The following SH3GL2 variants were observed in gnomAD, a reference collection of about 807,000 sequenced individuals.
SH3GL2 encodes endophilin-A1.
Under a neutral mutation model 46.0 loss-of-function variants are expected in SH3GL2, and 24 were observed. That is an observed-to-expected ratio of 0.52 (90% CI 0.38 to 0.73). The LOEUF (loss-of-function observed/expected upper bound fraction) is 0.73, where lower values mean the gene tolerates loss of function less well. Ranked by LOEUF, SH3GL2 falls within the 30% of genes least tolerant of loss-of-function variation. The pLI, the probability that SH3GL2 is intolerant of heterozygous loss-of-function variation, is 0.00. For missense variants in SH3GL2, 413 were observed against 424.2 expected (o/e 0.97, Z 0.23); for synonymous variants, 196 against 147.1 (o/e 1.33, Z -2.40).
At chr9:17,665,052 A>G (rs1644610511) in intron 1 of SH3GL2, among the ~76,000 whole-genome samples, 1 of 152,056 alleles carries the variant, frequency 6.6e-6, no homozygotes, top group Non-Finnish European at 1.5e-5. Context: ...ACCTTGATTC[A>G]CCAGTGTTCA....
intron 3 of SH3GL2, among the ~76,000 whole-genome samples, chr9:17,779,377 A>G (rs1823735380): frequency 5.3e-5 from 8 of 152,146 alleles, no homozygotes; most frequent in Admixed American, 4.6e-4. Flanking sequence ...ACGGAATGGG[A>G]AAGAGAATGG....
chr9:17,730,048 G>A (rs889464949), intron 1 of SH3GL2, among the ~76,000 whole-genome samples: 4 of 151,850 alleles, frequency 2.6e-5, no homozygotes, highest in Non-Finnish European at 5.9e-5. Context: ...AAATTACTTT[G>A]GGCAATATGG....
At chr9:17,681,605 A>G (rs982184395) in intron 1 of SH3GL2, among the ~76,000 whole-genome samples, 4 of 151,068 alleles carry the variant, frequency 2.6e-5, no homozygotes, top group Non-Finnish European at 5.9e-5. Flanking sequence ...AAAACCTAGA[A>G]GAAAACCTAG....
intron 1 of SH3GL2, among the ~76,000 whole-genome samples, chr9:17,645,008 T>C (rs937527182): frequency 3.3e-5 from 5 of 152,158 alleles, no homozygotes; most frequent in African/African-American, 1.2e-4. Flanking sequence ...TGGGTGCTCC[T>C]GTATTGGGTG....
chr9:17,598,897 G>A (rs1397151108), intron 1 of SH3GL2, among the ~76,000 whole-genome samples: 1 of 152,170 alleles, frequency 6.6e-6, no homozygotes, highest in Non-Finnish European at 1.5e-5. Flanking sequence ...TGGAGGCAGA[G>A]TTTGACACTG....
chr9:17,786,905 C>T (rs1288006052), intron 4 of SH3GL2, among the ~76,000 whole-genome samples: 1 of 152,106 alleles, frequency 6.6e-6, no homozygotes, highest in Non-Finnish European at 1.5e-5. Flanking sequence ...GATCTTTGCT[C>T]ACTTGTATAT....
chr9:17,742,192 A>G (rs1351710961), intron 1 of SH3GL2, among the ~76,000 whole-genome samples: 1 of 152,214 alleles, frequency 6.6e-6, no homozygotes, highest in Non-Finnish European at 1.5e-5. Context: ...TTGGAGGCAC[A>G]GTGGTTGGCT....
At chr9:17,775,407 C>T (rs544122934) in intron 3 of SH3GL2, among the ~76,000 whole-genome samples, 29 of 152,208 alleles carry the variant, frequency 1.9e-4, no homozygotes, top group Middle Eastern at 3.4e-3. Flanking sequence ...CTTCATTTTC[C>T]ATCTGTAAAA....
At chr9:17,642,216 T>G (rs1318555536) in intron 1 of SH3GL2, among the ~76,000 whole-genome samples, 1 of 152,222 alleles carries the variant, frequency 6.6e-6, no homozygotes, top group African/African-American at 2.4e-5. Flanking sequence ...GTTTGTTTTT[T>G]TCTTGTAAAT....
chr9:17,650,563 G>A (rs879822142), intron 1 of SH3GL2, among the ~76,000 whole-genome samples: 5 of 151,872 alleles, frequency 3.3e-5, no homozygotes, highest in African/African-American at 9.7e-5. Context: ...GTAGAGACAG[G>A]GTTTCACCAT....
intron 1 of SH3GL2, among the ~76,000 whole-genome samples, chr9:17,682,589 G>A (rs1588235183): frequency 1.3e-5 from 2 of 151,868 alleles, no homozygotes; most frequent in East Asian, 3.9e-4. Flanking sequence ...CTTAGAGGAT[G>A]GGTCAATAGG....
chr9:17,786,646 T>C, intron 4 of SH3GL2, 122 bp downstream of exon 4: 1 of 977,940 alleles, frequency 1.0e-6, no homozygotes, highest in South Asian at 1.5e-5. Flanking sequence ...TTTTAGATCC[T>C]ACACACATGG....
chr9:17,688,542 G>A (rs1164348617), intron 1 of SH3GL2, among the ~76,000 whole-genome samples: 1 of 151,998 alleles, frequency 6.6e-6, no homozygotes, highest in Non-Finnish European at 1.5e-5. Context: ...CCATCCTTCA[G>A]TAAAAGGAAC....
At chr9:17,760,107 C>A (rs920299201) in intron 2 of SH3GL2, among the ~76,000 whole-genome samples, 1 of 152,184 alleles carries the variant, frequency 6.6e-6, no homozygotes, top group African/African-American at 2.4e-5. Context: ...AAGCTAATCA[C>A]TACCTGGTAC....
intron 1 of SH3GL2, chr9:17,591,370 C>T (rs1329001281): frequency 6.6e-6 from 1 of 152,022 alleles, no homozygotes; most frequent in African/African-American, 2.4e-5. Flanking sequence ...AAAAGGTCAA[C>T]AGGTCAGAGT....
intron 1 of SH3GL2, among the ~76,000 whole-genome samples, chr9:17,714,395 CTTG>C (rs1821701925): frequency 6.6e-6 from 1 of 151,662 alleles, no homozygotes; most frequent in Admixed American, 6.6e-5. Flanking sequence ...AACCAGTCAT[CTTG>C]TTATTTGCTT....
intron 1 of SH3GL2, among the ~76,000 whole-genome samples, chr9:17,678,027 A>G (rs1256535261): frequency 1.3e-5 from 2 of 152,120 alleles, no homozygotes; most frequent in Non-Finnish European, 2.9e-5. Context: ...CCAGTCTATC[A>G]TTATTGGACA....
chr9:17,678,971 G>C (rs539987756), intron 1 of SH3GL2, among the ~76,000 whole-genome samples: 1 of 152,226 alleles, frequency 6.6e-6, no homozygotes, highest in African/African-American at 2.4e-5. Context: ...TGAGGCCTCT[G>C]TTCTGTTCCA....
rs1189868320 is a variant in SH3GL2 at position 17,791,311 on chromosome 9, A to G, written c.705A>G (p.Gln235=). 6 of 1,612,020 alleles carry G rather than the reference A, an allele frequency of 3.7e-6. No individual in the cohort carries two copies. The African/African-American group carries it at 6.7e-5, about 18-fold the overall frequency. The stretch of plus-strand genomic sequence containing the variant: ...AGCAGGCAGTCCAGATCCTGCAGCA[A>G]GTCACGGTCAGACTGGAAGAAAGGT... ...YHKQAVQILQ[Q]VTVRLEERIR... The change falls in exon 7 of 9, where the codon CAA becomes CAG. Residue 235 remains glutamine (Q), a synonymous_variant. Transcript: ENST00000380607.
Sources: allele counts gnomAD v4.1 joint callset (sites outside exome capture counted in the v4.1 genomes callset), GRCh38; gene constraint gnomAD v4.1.1; transcripts MANE v1.5; gene names NCBI Gene and HGNC (gene_info 2026-07-23, HGNC 2026-07-21).